EYS: variants seen among roughly 807,000 people sequenced by gnomAD.
EYS encodes protein eyes shut homolog.
Under a neutral mutation model 282.1 loss-of-function variants are expected in EYS, and 250 were observed. The observed-to-expected ratio is 0.89, with a 90% CI of 0.80 to 0.98. The LOEUF is 0.98. Ranked by LOEUF, EYS falls within the 50% of genes least tolerant of loss-of-function variation. EYS has a pLI of 0.00. For synonymous variants in EYS, 1,355 were observed against 1,282.9 expected, an observed-to-expected ratio of 1.06 and a Z score of -1.20; for missense variants, 4,016 against 3,709.0, an observed-to-expected ratio of 1.08 and a Z score of -2.15.
Position 64,388,780 on chromosome 6 carries a change from G to C in EYS, c.5988C>G (p.Cys1996Trp), listed in dbSNP as rs370988507. 1 of 1,543,710 alleles carries C rather than the reference G, an allele frequency of 6.5e-7. No homozygotes were observed. Among genetic ancestry groups the C allele is most frequent in the South Asian group, 1.2e-5 (1 of 82,450 alleles). The change falls in exon 29 of 43, where the codon TGC (cysteine) becomes TGG (tryptophan). Residue 1996 changes from cysteine (C) to tryptophan (W), a missense_variant. Transcript: ENST00000503581. Reference protein sequence around the residue: ...LTILGRNTQICESINHVLGKP... With the variant: ...LTILGRNTQIWESINHVLGKP... ...TTCCGAGTACATGATTGATAGATTC[G>C]CATATTTGTGTATTCCTCCCTAAAA...
At chr6:65,207,441 G>A (rs1582017890) in intron 12 of EYS, among the ~76,000 whole-genome samples, 1 of 151,468 alleles carries the variant, frequency 6.6e-6, no homozygotes, top group Non-Finnish European at 1.5e-5. Context: ...ATTGTTAAAA[G>A]TACCATAGTG....
chr6:63,827,583 G>A (rs930338195), intron 36 of EYS, among the ~76,000 whole-genome samples: 36 of 152,246 alleles, frequency 2.4e-4, no homozygotes, highest in African/African-American at 7.0e-4. Context: ...GGTGGCTCAC[G>A]CCTGTAATCC....
At chr6:64,239,847 G>A (rs188114965) in intron 30 of EYS, among the ~76,000 whole-genome samples, 1 of 152,110 alleles carries the variant, frequency 6.6e-6, no homozygotes, top group African/African-American at 2.4e-5. Flanking sequence ...TGTCCTGAAT[G>A]GTATTGTCTA....
intron 29 of EYS, among the ~76,000 whole-genome samples, chr6:64,381,526 G>A (rs565480531): frequency 6.6e-6 from 1 of 152,232 alleles, no homozygotes; most frequent in Admixed American, 6.5e-5. Context: ...ATGTGTACAG[G>A]TGAGAATCAC....
chr6:64,293,001 G>A (rs1053269093), intron 30 of EYS, among the ~76,000 whole-genome samples: 2 of 151,942 alleles, frequency 1.3e-5, no homozygotes, highest in East Asian at 1.9e-4. Context: ...CTATATGATC[G>A]TTTCTAAGCT....
chr6:64,031,484 G>A (rs1238291339), intron 33 of EYS, among the ~76,000 whole-genome samples: 1 of 152,198 alleles, frequency 6.6e-6, no homozygotes, highest in African/African-American at 2.4e-5. Flanking sequence ...CAGTCCCATC[G>A]ACCACCCAAG....
intron 12 of EYS, among the ~76,000 whole-genome samples, chr6:65,163,892 T>C (rs1764908393): frequency 6.6e-6 from 1 of 151,240 alleles, no homozygotes; most frequent in South Asian, 2.1e-4. Context: ...TTGTGGTAGA[T>C]ACCAGATGGC....
At chr6:63,829,825 C>G (rs1033251416) in intron 36 of EYS, among the ~76,000 whole-genome samples, 2 of 152,216 alleles carry the variant, frequency 1.3e-5, no homozygotes, top group Admixed American at 6.5e-5. Context: ...TAGGGGATGA[C>G]TGACACCTCA....
intron 12 of EYS, among the ~76,000 whole-genome samples, chr6:65,140,198 A>G (rs1764292659): frequency 6.6e-6 from 1 of 152,120 alleles, no homozygotes; most frequent in Non-Finnish European, 1.5e-5. Context: ...ATTAAGAAGA[A>G]TGAAATGCAA....
At chr6:64,218,422 C>G (rs998182688) in intron 31 of EYS, among the ~76,000 whole-genome samples, 1 of 152,136 alleles carries the variant, frequency 6.6e-6, no homozygotes, top group African/African-American at 2.4e-5. Flanking sequence ...TCTGTTCTAT[C>G]CTATCTCTGT....
At position 64,898,031 on chromosome 6, in the gene EYS, T is replaced by A. The variant is rs947311424; in HGVS notation, c.2846+4082A>T. On this transcript the variant is annotated intron_variant, in intron 18 of 42. Transcript: ENST00000503581. ...AATGGAACCAAATTGGAAAACACAC[T>A]TCAGGATATCATCTAGGAGAACTTC... Among the ~76,000 whole-genome samples, 3 of 152,232 alleles carry A rather than the reference T, an allele frequency of 2.0e-5. No homozygotes were observed. In the East Asian group the frequency reaches 5.8e-4, roughly 30 times the overall value.
chr6:64,838,158 T>C (rs1466171612), intron 19 of EYS, among the ~76,000 whole-genome samples: 1 of 151,954 alleles, frequency 6.6e-6, no homozygotes, highest in East Asian at 1.9e-4. Context: ...TTAGTGTTTC[T>C]GTGCCATTTA....
intron 31 of EYS, among the ~76,000 whole-genome samples, chr6:64,136,227 G>A (rs1774158407): frequency 6.6e-6 from 1 of 151,178 alleles, no homozygotes; most frequent in African/African-American, 2.4e-5. Flanking sequence ...ATTATAGCAA[G>A]TTAGTCACAT....
At chr6:64,987,286 G>A (rs1013727408) in intron 14 of EYS, among the ~76,000 whole-genome samples, 2 of 151,396 alleles carry the variant, frequency 1.3e-5, no homozygotes, top group Admixed American at 6.6e-5. Context: ...AGAATGCTGC[G>A]TATAAAATGC....
At chr6:64,418,902 C>T (rs1484860425) in intron 28 of EYS, among the ~76,000 whole-genome samples, 9 of 152,108 alleles carry the variant, frequency 5.9e-5, no homozygotes, top group Non-Finnish European at 1.3e-4. Context: ...GTGAGGTATG[C>T]TGTGGTATTA....
chr6:63,889,096 G>C (rs534910339), intron 35 of EYS, among the ~76,000 whole-genome samples: 1 of 152,104 alleles, frequency 6.6e-6, no homozygotes, highest in Non-Finnish European at 1.5e-5. Flanking sequence ...AGAGAAAAAA[G>C]AATGGAAAGG....
chr6:64,005,779 G>T (rs1184863995), intron 33 of EYS, among the ~76,000 whole-genome samples: 1 of 151,922 alleles, frequency 6.6e-6, no homozygotes, highest in Non-Finnish European at 1.5e-5. Context: ...ATAGTTGTAG[G>T]TGTATGGCAT....
At chr6:64,485,927 G>T (rs947384262) in intron 26 of EYS, among the ~76,000 whole-genome samples, 4 of 151,144 alleles carry the variant, frequency 2.6e-5, no homozygotes, top group African/African-American at 9.7e-5. Context: ...TAAATACTGA[G>T]GATTTATATT....
At chr6:64,624,105 G>C (rs553118112) in intron 23 of EYS, among the ~76,000 whole-genome samples, 1 of 152,210 alleles carries the variant, frequency 6.6e-6, no homozygotes, top group Non-Finnish European at 1.5e-5. Context: ...AAAGTCAAAG[G>C]TATCAGCAGA....
Sources: allele counts gnomAD v4.1 joint callset (sites outside exome capture counted in the v4.1 genomes callset), GRCh38; gene constraint gnomAD v4.1.1; transcripts MANE v1.5; gene names NCBI Gene and HGNC (gene_info 2026-07-23, HGNC 2026-07-21).